The following MASTL variants were observed in gnomAD, a reference collection of about 807,000 sequenced individuals.
MASTL encodes serine/threonine-protein kinase greatwall.
Under a neutral mutation model 82.5 loss-of-function variants are expected in MASTL, and 54 were observed. The ratio of observed to expected loss-of-function variants is 0.65; its 90% CI spans 0.53 to 0.82. The LOEUF is 0.82. Among genes scored for constraint, MASTL ranks in the 40% least tolerant of loss-of-function variants. MASTL has a pLI of 0.00. For synonymous variants in MASTL, 323 were observed against 368.9 expected, an observed-to-expected ratio of 0.88 and a Z score of 1.43; for missense variants, 950 against 1,047.8, an observed-to-expected ratio of 0.91 and a Z score of 1.29.
intron 9 of MASTL, among the ~76,000 whole-genome samples, chr10:27,179,281 G>A (rs1385002756): frequency 2.6e-5 from 4 of 152,176 alleles, no homozygotes; most frequent in African/African-American, 7.2e-5. Context: ...GTGGCCAGGT[G>A]CAGTGGCTCA....
chr10:27,181,751 C>G (rs1315942924), intron 11 of MASTL, among the ~76,000 whole-genome samples, 170 bp downstream of exon 11: 1 of 151,766 alleles, frequency 6.6e-6, no homozygotes, highest in Non-Finnish European at 1.5e-5. Context: ...CCAGCCTGTC[C>G]GATATGGCGA....
At chr10:27,169,496 G>C (rs984855493) in intron 7 of MASTL, among the ~76,000 whole-genome samples, 1 of 151,880 alleles carries the variant, frequency 6.6e-6, no homozygotes. Context: ...CTTGAACCCA[G>C]GAGGCAGAGG....
At chr10:27,166,958 C>A in intron 6 of MASTL, 144 bp from the exon 7 acceptor site, 3 of 670,338 alleles carry the variant, frequency 4.5e-6, no homozygotes, top group East Asian at 2.7e-5. Context: ...ATAGTGTTTA[C>A]AAAGAAATAG....
rs11442040 is a variant in MASTL, at chr10:27,187,751, CAA to C, written c.*1228_*1229del. ...TGGGCAACAGAATGAGACTCAGTCT[CAA>C]AAAAAAAAAAAATACTACTGGAACA... On this transcript the variant is annotated 3_prime_UTR_variant, in exon 12 of 12. Transcript: ENST00000375940. Among the ~76,000 whole-genome samples the C allele has an allele frequency of 1.1e-4, 15 of 139,402 alleles. No individual in the cohort carries two copies. The highest frequency in any genetic ancestry group is 2.9e-4 in the African/African-American group (11 of 38,088). The allele number at this position is 139,402 out of a possible 152,430, so 91.5% of individuals were successfully genotyped here.
At position 27,182,036 on chromosome 10, in the gene MASTL, C is replaced by T. The variant is rs188377309; in HGVS notation, c.2482+455C>T. ...CTTGCAGTGAGCCAAGATTGTGCCACTGCAATCTAGCCTGGGCAACAGAGC... is the reference window on the plus strand; with the variant it reads ...CTTGCAGTGAGCCAAGATTGTGCCATTGCAATCTAGCCTGGGCAACAGAGC... On this transcript the variant is annotated intron_variant, in intron 11 of 11. Coordinates refer to ENST00000375940, the MANE Select transcript of MASTL (RefSeq NM_001172303.3). Among the ~76,000 whole-genome samples, 208 of 148,062 alleles carry T rather than the reference C, an allele frequency of 1.4e-3. 3 individuals are homozygous for T. In the South Asian group the frequency reaches 0.021, roughly 15 times the overall value.
chr10:27,179,010 A>C (rs1236163831), intron 9 of MASTL, among the ~76,000 whole-genome samples: 1 of 152,168 alleles, frequency 6.6e-6, no homozygotes, highest in Non-Finnish European at 1.5e-5. Context: ...CAGATTCCAC[A>C]ATGCTTTCCT....
chr10:27,182,700 G>A (rs1197324039), intron 11 of MASTL, among the ~76,000 whole-genome samples: 3 of 151,968 alleles, frequency 2.0e-5, no homozygotes, highest in African/African-American at 7.3e-5. Flanking sequence ...CCATGTTCAC[G>A]CCACTGCATT....
In MASTL at chr10:27,181,501, A is replaced by G. The variant is rs2058305068; in HGVS notation, c.2402A>G (p.Glu801Gly). Residue 801 changes from glutamate (E) to glycine (G), a missense_variant, in exon 11 of 12, where the codon GAA becomes GGA. Glu to Gly is a moderately conservative substitution (Grantham distance 98, BLOSUM62 -2). Coordinates refer to ENST00000375940, the MANE Select transcript of MASTL (RefSeq NM_001172303.3). ...LKRDIPWPEG[E>G]EKLSDNAQSA... ...TTAGATATCCCTTGGCCAGAAGGTG[A>G]AGAAAAGTTATCTGATAATGCTCAA... is the stretch of plus-strand genomic sequence containing the variant. 6.2e-7 allele frequency: 1 copy of G among 1,612,200 alleles called. No homozygotes were observed. The highest frequency in any genetic ancestry group is 8.5e-7 in the Non-Finnish European group (1 of 1,178,398).
chr10:27,165,321 A>G, intron 5 of MASTL, 68 bp from the exon 6 acceptor site: 1 of 1,514,578 alleles, frequency 6.6e-7, no homozygotes, highest in Non-Finnish European at 9.2e-7. Flanking sequence ...GTGGTATAAC[A>G]GTCTATGTAC....
chr10:27,165,206 C>G (rs753748999), intron 5 of MASTL, 36 bp downstream of exon 5: 1 of 1,434,428 alleles, frequency 7.0e-7, no homozygotes, highest in Non-Finnish European at 9.8e-7. Flanking sequence ...ATGACATACC[C>G]CTTCATGATC....
At chr10:27,175,671 T>C (rs6482601) in intron 9 of MASTL, among the ~76,000 whole-genome samples, 78,339 of 151,946 alleles carry the variant, frequency 0.52, 20,260 homozygotes, top group Middle Eastern at 0.57. Flanking sequence ...ACTCCCATGA[T>C]GTCAGTTTGT....
intron 1 of MASTL, among the ~76,000 whole-genome samples, chr10:27,156,320 G>A (rs114553653): frequency 0.012 from 1,807 of 150,344 alleles, 35 homozygotes; most frequent in African/African-American, 0.041. Flanking sequence ...CACCGCGCCC[G>A]GCGAGTTAGG....
chr10:27,172,210 ACAT>A, intron 8 of MASTL, among the ~76,000 whole-genome samples: 1 of 152,300 alleles, frequency 6.6e-6, no homozygotes. Flanking sequence ...CTTTGGGAAA[ACAT>A]CATAACATAA....
At chr10:27,169,508 T>G (rs1211507918) in intron 7 of MASTL, among the ~76,000 whole-genome samples, 1 of 150,906 alleles carries the variant, frequency 6.6e-6, no homozygotes. Context: ...AGGCAGAGGC[T>G]GCAGTGAGCT....
Position 27,181,528 on chromosome 10 carries a change from G to C in MASTL, c.2429G>C (p.Ser810Thr). ...GEEKLSDNAQ[S>T]AVEILLTIDD... ...GAAAAGTTATCTGATAATGCTCAAA[G>C]TGCAGTAGAAATACTTTTAACCATT... Residue 810 changes from serine (S) to threonine (T), a missense_variant, in exon 11 of 12, where the codon AGT becomes ACT. Coordinates refer to ENST00000375940, the MANE Select transcript of MASTL (RefSeq NM_001172303.3). The C allele has an allele frequency of 6.2e-7, 1 of 1,613,398 alleles. No individual in the cohort carries two copies.
intron 2 of MASTL, 33 bp downstream of exon 2, chr10:27,158,719 C>T: frequency 6.2e-7 from 1 of 1,608,160 alleles, no homozygotes; most frequent in Non-Finnish European, 8.5e-7. Context: ...GTTTCTTTAT[C>T]CATTAAGCAG....
At chr10:27,157,724 G>T (rs1311207212) in intron 1 of MASTL, among the ~76,000 whole-genome samples, 1 of 152,004 alleles carries the variant, frequency 6.6e-6, no homozygotes, top group Non-Finnish European at 1.5e-5. Flanking sequence ...CTTGAAAAGA[G>T]TAATTAGTTT....
intron 1 of MASTL, 70 bp downstream of exon 1, chr10:27,155,682 G>A (rs1564477283): frequency 6.3e-7 from 1 of 1,575,230 alleles, no homozygotes; most frequent in African/African-American, 1.3e-5. Context: ...ACCGGCTTGG[G>A]CAGGCCCCGG....
intron 11 of MASTL, 101 bp downstream of exon 11, chr10:27,181,682 T>C: frequency 1.2e-6 from 1 of 817,834 alleles, no homozygotes; most frequent in Non-Finnish European, 2.0e-6. Flanking sequence ...GGCTCACGCC[T>C]GTAATCCCAG....
Sources: allele counts gnomAD v4.1 joint callset (sites outside exome capture counted in the v4.1 genomes callset), GRCh38; gene constraint gnomAD v4.1.1; transcripts MANE v1.5; gene names NCBI Gene and HGNC (gene_info 2026-07-23, HGNC 2026-07-21).